Variants in ATRNL1 observed in about 807,000 individuals in gnomAD.
ATRNL1 encodes attractin-like protein 1.
Under a neutral mutation model 182.7 loss-of-function variants are expected in ATRNL1, and 95 were observed. The ratio of observed to expected loss-of-function variants is 0.52; its 90% CI spans 0.44 to 0.62. The LOEUF is 0.62. Among genes scored for constraint, ATRNL1 ranks in the 20% least tolerant of loss-of-function variants. The probability of loss-of-function intolerance (pLI) is 0.00; values close to 1 mark genes in which losing one functional copy is unlikely to be tolerated. For missense variants in ATRNL1, 1,471 were observed against 1,679.5 expected (o/e 0.88, Z 2.17); for synonymous variants, 576 against 568.3 (o/e 1.01, Z -0.19).
At chr10:115,171,785 G>A (rs555724620) in intron 8 of ATRNL1, among the ~76,000 whole-genome samples, 4 of 152,138 alleles carry the variant, frequency 2.6e-5, no homozygotes, top group African/African-American at 9.6e-5. Context: ...ATGTGAAGGT[G>A]AAGGTGTCTA....
At chr10:115,833,601 G>A (rs188976974) in intron 27 of ATRNL1, among the ~76,000 whole-genome samples, 1 of 152,130 alleles carries the variant, frequency 6.6e-6, no homozygotes, top group Non-Finnish European at 1.5e-5. Flanking sequence ...CCTACGCCAG[G>A]CAGTACTCTA....
intron 22 of ATRNL1, among the ~76,000 whole-genome samples, chr10:115,463,829 G>T (rs1554970323): frequency 6.6e-6 from 1 of 151,896 alleles, no homozygotes; most frequent in East Asian, 1.9e-4. Flanking sequence ...ATGTATCGGA[G>T]GTCATTCTTT....
intron 26 of ATRNL1, among the ~76,000 whole-genome samples, chr10:115,715,808 A>G (rs1456436733): frequency 2.0e-5 from 3 of 152,318 alleles, no homozygotes; most frequent in African/African-American, 7.2e-5. Flanking sequence ...GTTCACGTCA[A>G]GGTATTCAAG....
intron 15 of ATRNL1, among the ~76,000 whole-genome samples, chr10:115,287,043 T>G (rs898094973): frequency 1.3e-5 from 2 of 151,884 alleles, no homozygotes; most frequent in Admixed American, 6.6e-5. Flanking sequence ...GACCTCCGTA[T>G]CCTCCATGGA....
At chr10:115,807,963 T>G (rs1215012539) in intron 27 of ATRNL1, among the ~76,000 whole-genome samples, 1 of 152,186 alleles carries the variant, frequency 6.6e-6, no homozygotes, top group Non-Finnish European at 1.5e-5. Context: ...AATTACAGCC[T>G]CCCTAGTTTT....
intron 5 of ATRNL1, among the ~76,000 whole-genome samples, chr10:115,152,043 T>C (rs994143911): frequency 3.9e-5 from 6 of 152,232 alleles, no homozygotes; most frequent in Non-Finnish European, 5.9e-5. Context: ...ATATTATTTC[T>C]GAGGGCTCTG....
At chr10:115,315,819 T>G (rs1411216702) in intron 18 of ATRNL1, 83 bp downstream of exon 18, 3 of 1,194,238 alleles carry the variant, frequency 2.5e-6, no homozygotes, top group Non-Finnish European at 3.5e-6. Context: ...TAAAGAAAAT[T>G]TAGCTTTAGG....
intron 28 of ATRNL1, among the ~76,000 whole-genome samples, chr10:115,941,064 T>C (rs1335655023): frequency 2.0e-5 from 3 of 152,198 alleles, no homozygotes; most frequent in Admixed American, 6.5e-5. Flanking sequence ...AGATAAGACT[T>C]TGGGCAAATG....
chr10:115,671,321 C>T (rs1354554918), intron 26 of ATRNL1, among the ~76,000 whole-genome samples: 1 of 151,948 alleles, frequency 6.6e-6, no homozygotes, highest in Non-Finnish European at 1.5e-5. Flanking sequence ...GCAAGATAGA[C>T]TCCAGAATAT....
intron 1 of ATRNL1, among the ~76,000 whole-genome samples, chr10:115,105,610 A>T (rs528796543): frequency 4.6e-5 from 7 of 152,222 alleles, no homozygotes; most frequent in Non-Finnish European, 1.0e-4. Context: ...GGCCAGGCCC[A>T]GGGTTCCTGT....
chr10:115,348,094 C>T (rs1260340089), intron 19 of ATRNL1, among the ~76,000 whole-genome samples: 1 of 152,172 alleles, frequency 6.6e-6, no homozygotes, highest in African/African-American at 2.4e-5. Flanking sequence ...CTGCCTCAGC[C>T]TTCCTAGTAG....
intron 27 of ATRNL1, among the ~76,000 whole-genome samples, chr10:115,788,911 A>G (rs1172488229): frequency 2.0e-5 from 3 of 152,238 alleles, no homozygotes; most frequent in Non-Finnish European, 4.4e-5. Flanking sequence ...CCCTGTCAGG[A>G]GCACTGTGAT....
intron 8 of ATRNL1, among the ~76,000 whole-genome samples, chr10:115,203,670 C>T (rs762910719): frequency 1.3e-5 from 2 of 149,878 alleles, no homozygotes; most frequent in Non-Finnish European, 3.0e-5. Context: ...ACCTATGCCT[C>T]CTGAAGTCAA....
intron 19 of ATRNL1, among the ~76,000 whole-genome samples, chr10:115,368,716 ATTT>A (rs557325461): frequency 7.2e-6 from 1 of 138,124 alleles, no homozygotes. Flanking sequence ...ATTCGATTCT[ATTT>A]TTTTTTTTTT....
At chr10:115,449,577 C>T (rs1554967295) in intron 21 of ATRNL1, among the ~76,000 whole-genome samples, 1 of 152,192 alleles carries the variant, frequency 6.6e-6, no homozygotes, top group East Asian at 1.9e-4. Flanking sequence ...GTAACACATG[C>T]CCTCTGGGGC....
intron 27 of ATRNL1, among the ~76,000 whole-genome samples, chr10:115,791,040 G>A (rs1555081682): frequency 6.6e-6 from 1 of 152,140 alleles, no homozygotes; most frequent in Non-Finnish European, 1.5e-5. Flanking sequence ...AATGACAATG[G>A]TGATGTTTGG....
At chr10:115,314,467 C>T (rs982747337) in intron 17 of ATRNL1, among the ~76,000 whole-genome samples, 1 of 152,202 alleles carries the variant, frequency 6.6e-6, no homozygotes. Context: ...GAAATTGAGT[C>T]TGCCAGAAAT....
intron 24 of ATRNL1, among the ~76,000 whole-genome samples, chr10:115,500,064 T>C (rs1483300047): frequency 6.6e-6 from 1 of 151,792 alleles, no homozygotes; most frequent in Non-Finnish European, 1.5e-5. Flanking sequence ...GAAGAGAAAA[T>C]AGGGGGAGGA....
chr10:115,584,638 C>G (rs1855384210), intron 26 of ATRNL1, among the ~76,000 whole-genome samples: 2 of 150,492 alleles, frequency 1.3e-5, no homozygotes, highest in South Asian at 4.3e-4. Flanking sequence ...ATTCTTCTCT[C>G]TTTTTTTCTT....
Sources: gnomAD v4.1 joint callset for allele counts (sites outside exome capture counted in the v4.1 genomes callset) on GRCh38, gnomAD v4.1.1 for gene constraint, MANE v1.5 for transcripts, NCBI Gene and HGNC (gene_info 2026-07-23, HGNC 2026-07-21) for gene names.